Variants in RICTOR observed in about 807,000 individuals in gnomAD.
RICTOR encodes rapamycin-insensitive companion of mTOR.
RICTOR carries 49 observed loss-of-function variants against 214.9 expected under a neutral mutation model. That is an observed-to-expected ratio of 0.23 (90% CI 0.18 to 0.29). The LOEUF (loss-of-function observed/expected upper bound fraction) is 0.29, where lower values mean the gene tolerates loss of function less well. Among genes scored for constraint, RICTOR ranks in the 10% least tolerant of loss-of-function variants. The pLI, the probability that RICTOR is intolerant of heterozygous loss-of-function variation, is 1.00. For synonymous variants in RICTOR, 717 were observed against 711.3 expected (o/e 1.01, Z -0.13); for missense variants, 1,625 against 2,047.0 (o/e 0.79, Z 3.98).
intron 16 of RICTOR, among the ~76,000 whole-genome samples, chr5:38,963,971 G>C (rs1358682480): frequency 6.6e-6 from 1 of 151,762 alleles, no homozygotes; most frequent in Admixed American, 6.6e-5. Context: ...AAAATTAACA[G>C]ATTATTAAGC....
chr5:38,952,149 A>C, intron 30 of RICTOR, 47 bp downstream of exon 30: 1 of 1,122,250 alleles, frequency 8.9e-7, no homozygotes, highest in Middle Eastern at 2.0e-4. Context: ...ATTCAAATAT[A>C]AATGTTAACA....
chr5:39,070,104 C>T (rs1024821118), intron 2 of RICTOR, among the ~76,000 whole-genome samples: 4 of 152,276 alleles, frequency 2.6e-5, no homozygotes, highest in Middle Eastern at 3.4e-3. Flanking sequence ...AGTCAATGTC[C>T]ATTTTGTCTA....
At chr5:39,007,005 T>C (rs1355795603) in intron 3 of RICTOR, among the ~76,000 whole-genome samples, 1 of 152,188 alleles carries the variant, frequency 6.6e-6, no homozygotes, top group Non-Finnish European at 1.5e-5. Flanking sequence ...TTTTTATACA[T>C]ACATATTTAA....
At position 38,953,482 on chromosome 5, in the gene RICTOR, C is replaced by T. The variant is rs1748969199; in HGVS notation, c.2769G>A (p.Leu923=). 2.7e-6 allele frequency: 4 copies of T among 1,479,744 alleles called. No homozygotes were observed. The highest frequency in any genetic ancestry group is 1.8e-4 in the Middle Eastern group (1 of 5,608). The allele number at this position is 1,479,744 out of a possible 1,614,324, so 91.7% of individuals were successfully genotyped here. A position where few individuals can be genotyped will look rare whatever the true frequency, so the allele number is the denominator to read the frequency against. ...DLDKWEEIKK[L]KASLWALGNI... ...AAACCAAGGCCCAAAGAGATGCTTT[C>T]AGTTTTTTAATTTCTTCCCACTTAT... Residue 923 remains leucine (L), a synonymous_variant, in exon 28 of 38, where the codon CTG becomes CTA. Coordinates refer to ENST00000357387, the MANE Select transcript of RICTOR (RefSeq NM_152756.5).
chr5:39,036,453 T>A (rs954239375), intron 2 of RICTOR, among the ~76,000 whole-genome samples: 3 of 152,158 alleles, frequency 2.0e-5, no homozygotes, highest in African/African-American at 4.8e-5. Context: ...CAGTATCAAA[T>A]TCACACATAA....
intron 2 of RICTOR, among the ~76,000 whole-genome samples, chr5:39,036,545 C>T (rs927493410): frequency 1.3e-5 from 2 of 152,162 alleles, no homozygotes; most frequent in Non-Finnish European, 2.9e-5. Context: ...TATCAAGACC[C>T]ATCAGTGTGC....
At chr5:38,977,627 T>G (rs143230903) in intron 9 of RICTOR, among the ~76,000 whole-genome samples, 1,351 of 131,864 alleles carry the variant, frequency 0.01, 25 homozygotes, top group African/African-American at 0.037. Flanking sequence ...AGACAGAGTG[T>G]CGCTCTGTCA....
chr5:38,974,015 T>C (rs1395777221), intron 10 of RICTOR, among the ~76,000 whole-genome samples: 2 of 152,184 alleles, frequency 1.3e-5, no homozygotes, highest in Non-Finnish European at 2.9e-5. Context: ...CTCTTCTTAC[T>C]TCAATAGAAA....
At chr5:38,958,063 C>A (rs189221591) in intron 24 of RICTOR, among the ~76,000 whole-genome samples, 2 of 151,888 alleles carry the variant, frequency 1.3e-5, no homozygotes, top group East Asian at 3.9e-4. Flanking sequence ...TGGTGAAACT[C>A]CAACTCTACT....
chr5:38,970,428 T>C (rs1048709855), intron 11 of RICTOR: 1 of 152,226 alleles, frequency 6.6e-6, no homozygotes, highest in African/African-American at 2.4e-5. Context: ...AAACTCCAGT[T>C]GGTCAGACTC....
rs1272255191 is a variant in RICTOR, at chr5:38,953,189, A to AG, written c.2791-99dup. Reference sequence around the variant, plus strand: ...ACAAATTTAACCTCATCTCTGAGAGAGAAAAAATGTAAAAGCCTCCTCAAG... The same window carrying AG: ...ACAAATTTAACCTCATCTCTGAGAGAGGAAAAAATGTAAAAGCCTCCTCAAG... On this transcript the variant is annotated intron_variant, in intron 28 of 37. Coordinates refer to ENST00000357387, the MANE Select transcript of RICTOR (RefSeq NM_152756.5). 6.1e-6 allele frequency: 5 copies of AG among 814,764 alleles called. No homozygotes were observed. The African/African-American group carries it at 8.7e-5, about 14-fold the overall frequency. The allele number at this position is 814,764 out of a possible 1,614,324, so 50.5% of individuals were successfully genotyped here.
At chr5:39,002,269 G>A (rs912861142) in intron 5 of RICTOR, among the ~76,000 whole-genome samples, 3 of 151,160 alleles carry the variant, frequency 2.0e-5, no homozygotes, top group Non-Finnish European at 2.9e-5. Flanking sequence ...CAATGCTCAA[G>A]AACAGGAAAA....
At chr5:39,003,744 T>C (rs1753821632) in intron 3 of RICTOR, 122 bp from the exon 4 acceptor site, 7 of 550,778 alleles carry the variant, frequency 1.3e-5, no homozygotes, top group Non-Finnish European at 1.9e-5. Context: ...AAAAATATGA[T>C]TTTACTGTTC....
At position 38,950,380 on chromosome 5, in the gene RICTOR, T is replaced by C. The variant is rs1261962748; in HGVS notation, c.3468A>G (p.Thr1156=). ...DFTPISTVQK[T]LQLETSFMGN... is the part of the protein sequence containing the mutation. ...CCATAAATGAAGTCTCTAATTGTAA[T>C]GTTTTCTGTACAGTGGATATGGGTG... Residue 1156 remains threonine, a synonymous_variant, in exon 31 of 38, where the codon ACA becomes ACG. Coordinates refer to ENST00000357387, the MANE Select transcript of RICTOR (RefSeq NM_152756.5). 1.3e-5 allele frequency: 21 copies of C among 1,613,234 alleles called. No individual in the cohort carries two copies.
Position 39,074,394 on chromosome 5 carries a change from C to A in RICTOR, c.-17G>T. Reference sequence around the variant, plus strand: ...CGCCGCCATATTGACGGGTTTCAGTCACAACACCGGAAACCTCGCCCAATC... The same window carrying A: ...CGCCGCCATATTGACGGGTTTCAGTAACAACACCGGAAACCTCGCCCAATC... On this transcript the variant is annotated 5_prime_UTR_variant, in exon 1 of 38. Coordinates refer to ENST00000357387, the MANE Select transcript of RICTOR (RefSeq NM_152756.5). The A allele has an allele frequency of 6.5e-7, 1 of 1,534,106 alleles. No homozygotes were observed. The highest frequency in any genetic ancestry group is 8.8e-7 in the Non-Finnish European group (1 of 1,139,292).
At chr5:39,058,906 CA>C (rs1349556313) in intron 2 of RICTOR, among the ~76,000 whole-genome samples, 4 of 151,516 alleles carry the variant, frequency 2.6e-5, no homozygotes, top group African/African-American at 9.7e-5. Context: ...AACAGTCATT[CA>C]AAAAAAAGTT....
At chr5:39,040,736 T>C (rs1580170713) in intron 2 of RICTOR, among the ~76,000 whole-genome samples, 1 of 152,228 alleles carries the variant, frequency 6.6e-6, no homozygotes, top group East Asian at 1.9e-4. Context: ...AAGACAGTTA[T>C]GATCTGACCT....
chr5:38,978,441 G>C, intron 9 of RICTOR, 142 bp downstream of exon 9: 1 of 403,578 alleles, frequency 2.5e-6, no homozygotes, highest in Non-Finnish European at 4.4e-6. Context: ...TAAATTATGA[G>C]AGAAATGCAA....
intron 33 of RICTOR, 32 bp from the exon 34 acceptor site, chr5:38,945,756 A>G (rs369190681): frequency 1.5e-4 from 172 of 1,144,708 alleles, no homozygotes; most frequent in Admixed American, 2.4e-4. Flanking sequence ...ACATAATCCA[A>G]TAAAGATAAT....
Sources: allele counts gnomAD v4.1 joint callset (sites outside exome capture counted in the v4.1 genomes callset), GRCh38; gene constraint gnomAD v4.1.1; transcripts MANE v1.5; gene names NCBI Gene and HGNC (gene_info 2026-07-23, HGNC 2026-07-21).